The following DNAAF5 variants were observed in gnomAD, a reference collection of about 807,000 sequenced individuals.
The protein encoded by DNAAF5 is HEAT repeat containing 2.
DNAAF5 carries 64 observed loss-of-function variants against 75.8 expected under a neutral mutation model. The ratio of observed to expected loss-of-function variants is 0.84; its 90% confidence interval spans 0.69 to 1.04. DNAAF5 has a LOEUF of 1.04. Ranked by LOEUF, DNAAF5 falls within the 50% of genes least tolerant of loss-of-function variation. The pLI, the probability that DNAAF5 is intolerant of heterozygous loss-of-function variation, is 0.00. For missense variants in DNAAF5, 1,269 were observed against 1,178.5 expected, an observed-to-expected ratio of 1.08 and a Z score of -1.12; for synonymous variants, 657 against 557.2, an observed-to-expected ratio of 1.18 and a Z score of -2.52.
chr7:745,775 G>T (rs371175328), intron 4 of DNAAF5, among the ~76,000 whole-genome samples: 1 of 152,300 alleles, frequency 6.6e-6, no homozygotes, highest in East Asian at 1.9e-4. Context: ...GCCCTACCCC[G>T]CCAACTGTCT....
In DNAAF5 at chr7:786,219, C is replaced by G. The variant is rs770617037; in HGVS notation, c.*566C>G. The G allele has an allele frequency of 5.2e-5, 8 of 152,492 alleles. No homozygotes were observed. The highest frequency in any genetic ancestry group is 8.8e-5 in the Non-Finnish European group (6 of 68,330). 9.4% of individuals were successfully genotyped at this position (152,492 alleles called of 1,614,324 possible). ...TGTCCGGTCACCGTATGTTTTAAGT[C>G]GGTGTTAATGCTAACAGTGTTGAAA... On this transcript the variant is annotated 3_prime_UTR_variant, in exon 13 of 13. Coordinates refer to ENST00000297440, the MANE Select transcript of DNAAF5 (RefSeq NM_017802.4).
rs746922195 is a variant in DNAAF5, at chr7:729,609, T to A, written c.596-54T>A. 3.8e-5 allele frequency: 60 copies of A among 1,559,068 alleles called. No individual in the cohort carries two copies. In the Admixed American group the frequency reaches 7.9e-4, roughly 21 times the overall value. ...GCCGTCCTCTGGAAGCCCACAGAGC[T>A]GGGCGAGGCGTGTGGGAGCAGCTCT... On this transcript the variant is annotated intron_variant, in intron 1 of 12. Transcript: ENST00000297440.
chr7:770,283 T>G (rs4719261), intron 8 of DNAAF5, among the ~76,000 whole-genome samples, 188 bp from the exon 9 acceptor site: 4 of 151,908 alleles, frequency 2.6e-5, no homozygotes, highest in Non-Finnish European at 5.9e-5. Context: ...AACGTGATTT[T>G]GGGGGGTTAA....
chr7:732,333 C>T (rs1219411182), intron 2 of DNAAF5, among the ~76,000 whole-genome samples: 1 of 152,260 alleles, frequency 6.6e-6, no homozygotes, highest in African/African-American at 2.4e-5. Context: ...GGACGTATGG[C>T]CGTGCAGTTG....
intron 4 of DNAAF5, among the ~76,000 whole-genome samples, chr7:742,321 C>G (rs2128073373): frequency 6.6e-6 from 1 of 152,230 alleles, no homozygotes; most frequent in East Asian, 1.9e-4. Flanking sequence ...ATCAGATGCC[C>G]AGCTCAAATC....
Position 756,728 on chromosome 7 carries a change from C to T in DNAAF5, c.1258-54C>T. 1.9e-6 allele frequency: 3 copies of T among 1,567,026 alleles called. No individual in the cohort carries two copies. In the South Asian group the frequency reaches 3.3e-5, roughly 17 times the overall value. ...AGGCCACGGCGCCGAGAGCAGGAGC[C>T]CGGCTGAGACCCTCGGGTTTGGCTC... On this transcript the variant is annotated intron_variant, in intron 5 of 12. Coordinates refer to ENST00000297440, the MANE Select transcript of DNAAF5 (RefSeq NM_017802.4).
intron 5 of DNAAF5, among the ~76,000 whole-genome samples, chr7:755,170 A>T (rs1299297759): frequency 6.6e-6 from 1 of 152,178 alleles, no homozygotes; most frequent in Non-Finnish European, 1.5e-5. Flanking sequence ...CAGCATTGAC[A>T]TCTGGACTGT....
chr7:735,464 T>A (rs1226130375), intron 2 of DNAAF5, among the ~76,000 whole-genome samples: 2 of 150,782 alleles, frequency 1.3e-5, no homozygotes, highest in South Asian at 4.2e-4. Flanking sequence ...GTGTAGCTGC[T>A]CCCGGTGTAG....
intron 4 of DNAAF5, among the ~76,000 whole-genome samples, chr7:742,272 A>G (rs944879038): frequency 6.6e-6 from 1 of 152,236 alleles, no homozygotes; most frequent in Non-Finnish European, 1.5e-5. Context: ...GAGGACAAAA[A>G]GTAGGTGAAG....
intron 4 of DNAAF5, among the ~76,000 whole-genome samples, chr7:746,577 TC>T (rs1221220201): frequency 7.2e-6 from 1 of 139,246 alleles, no homozygotes; most frequent in Non-Finnish European, 1.5e-5. Flanking sequence ...CTCTGTGTCG[TC>T]CCTTTTCCCC....
chr7:741,270 C>G, intron 3 of DNAAF5, 77 bp from the exon 4 acceptor site: 1 of 1,092,188 alleles, frequency 9.2e-7, no homozygotes, highest in Non-Finnish European at 1.4e-6. Flanking sequence ...TTTGGGTGAC[C>G]CGTGTCCTGG....
intron 4 of DNAAF5, among the ~76,000 whole-genome samples, chr7:746,666 G>A (rs537849950): frequency 2.3e-4 from 32 of 141,574 alleles, no homozygotes; most frequent in East Asian, 2.1e-3. Context: ...GGTCTGTGAC[G>A]TCCTTACCAT....
At chr7:770,020 C>T (rs554167589) in intron 8 of DNAAF5, among the ~76,000 whole-genome samples, 4 of 152,154 alleles carry the variant, frequency 2.6e-5, no homozygotes, top group Admixed American at 6.5e-5. Flanking sequence ...GGCACGATCT[C>T]GGCTCACTGC....
intron 1 of DNAAF5, among the ~76,000 whole-genome samples, chr7:728,717 C>G (rs892299248): frequency 6.6e-6 from 1 of 152,224 alleles, no homozygotes; most frequent in Non-Finnish European, 1.5e-5. Flanking sequence ...ATCTGTGCCC[C>G]AGCCCCAAGC....
chr7:777,445 CAAG>C lies in DNAAF5; in HGVS notation c.2239+2288_2239+2290del, dbSNP rs1328678073. Among the ~76,000 whole-genome samples, 4 of 152,084 alleles carry C rather than the reference CAAG, an allele frequency of 2.6e-5. No individual in the cohort carries two copies. The South Asian group carries it at 8.3e-4, about 32-fold the overall frequency. On this transcript the variant is annotated intron_variant, in intron 11 of 12. Coordinates refer to ENST00000297440, the MANE Select transcript of DNAAF5 (RefSeq NM_017802.4). ...ATCCACTAAAAAACAAGTTGAGAAA[CAAG>C]AAGACAAGCAGGAATAAAGAACAGA...
intron 11 of DNAAF5, among the ~76,000 whole-genome samples, chr7:777,875 G>A (rs925557236): frequency 6.6e-5 from 10 of 152,144 alleles, no homozygotes; most frequent in East Asian, 1.9e-4. Context: ...GGGGAGGGAC[G>A]CGGGGCCTGG....
chr7:763,850 C>T lies in DNAAF5; in HGVS notation c.1659C>T (p.Ser553=). ...MDSLAMVEGV[S]SCQDLYRKHI... ...CACTGGCCATGGTGGAGGGTGTCAG[C>T]AGCTGCCAGGACCTCTACCGCAAGC... The change falls in exon 8 of 13, where the codon AGC becomes AGT. Residue 553 remains serine (S), a synonymous_variant. Coordinates refer to ENST00000297440, the MANE Select transcript of DNAAF5 (RefSeq NM_017802.4). The T allele has an allele frequency of 6.2e-7, 1 of 1,613,416 alleles. No individual in the cohort carries two copies. The highest frequency in any genetic ancestry group is 8.5e-7 in the Non-Finnish European group (1 of 1,180,036).
chr7:769,229 GC>G, intron 8 of DNAAF5: 2 of 758,810 alleles, frequency 2.6e-6, no homozygotes, highest in Non-Finnish European at 4.9e-6. Context: ...GCTTGGATAA[GC>G]CAGTGGACGC....
At chr7:783,285 G>A (rs548529591) in intron 12 of DNAAF5, among the ~76,000 whole-genome samples, 12 of 152,374 alleles carry the variant, frequency 7.9e-5, no homozygotes, top group African/African-American at 2.2e-4. Context: ...GTGCCCACTC[G>A]CGGGTGTAAG....
Sources: allele counts gnomAD v4.1 joint callset (sites outside exome capture counted in the v4.1 genomes callset), GRCh38; gene constraint gnomAD v4.1.1; transcripts MANE v1.5; gene names NCBI Gene and HGNC (gene_info 2026-07-23, HGNC 2026-07-21).